The following SVIL variants were observed in gnomAD, a reference collection of about 807,000 sequenced individuals.
SVIL encodes archvillin.
A neutral mutation model predicts 240.4 loss-of-function variants in SVIL; 101 were observed. That is an observed-to-expected ratio of 0.42 (90% CI 0.36 to 0.50). SVIL has a LOEUF of 0.50. Among genes scored for constraint, SVIL ranks in the 20% least tolerant of loss-of-function variants. The probability of loss-of-function intolerance (pLI) is 0.01; values close to 1 mark genes in which losing one functional copy is unlikely to be tolerated. For synonymous variants in SVIL, 999 were observed against 1,100.0 expected (o/e 0.91, Z 1.82); for missense variants, 2,512 against 2,818.7 (o/e 0.89, Z 2.46).
intron 1 of SVIL, among the ~76,000 whole-genome samples, chr10:29,724,801 C>T (rs942835849): frequency 1.3e-5 from 2 of 151,966 alleles, no homozygotes; most frequent in African/African-American, 2.4e-5. Flanking sequence ...GTGGGTGGAT[C>T]GCTTGAAGTC....
Position 29,717,532 on chromosome 10 carries a change from A to T in SVIL, c.-400+18219T>A, listed in dbSNP as rs539460940. Among the ~76,000 whole-genome samples, 6 of 152,312 alleles carry T rather than the reference A, an allele frequency of 3.9e-5. 1 individual carries two copies. The South Asian group carries it at 1.2e-3, about 32-fold the overall frequency. ...CAAAATCCATAAGAAAATGTTGGGGAATACTTTGTTGATATTGATAAATTT... is the reference window on the plus strand; with the variant it reads ...CAAAATCCATAAGAAAATGTTGGGGTATACTTTGTTGATATTGATAAATTT... On this transcript the variant is annotated intron_variant, in intron 1 of 35. Transcript: ENST00000375400.
chr10:29,696,358 C>T (rs1225716373), intron 1 of SVIL, among the ~76,000 whole-genome samples: 21 of 152,220 alleles, frequency 1.4e-4, no homozygotes, highest in African/African-American at 5.1e-4. Flanking sequence ...GATTGCAGCC[C>T]CTGCCCGGCC....
intron 3 of SVIL, among the ~76,000 whole-genome samples, chr10:29,642,965 C>T (rs146920582): frequency 0.024 from 3,701 of 152,278 alleles, 147 homozygotes; most frequent in African/African-American, 0.081. Context: ...GGATTACAGG[C>T]GTGAGCCACT....
intron 16 of SVIL, among the ~76,000 whole-genome samples, chr10:29,517,501 C>T (rs531378634): frequency 5.9e-4 from 90 of 152,310 alleles, no homozygotes; most frequent in African/African-American, 2.2e-3. Context: ...TATTCTTATT[C>T]CTACATAAAT....
At chr10:29,711,395 G>A (rs1963269015) in intron 1 of SVIL, among the ~76,000 whole-genome samples, 1 of 149,144 alleles carries the variant, frequency 6.7e-6, no homozygotes, top group Non-Finnish European at 1.5e-5. Context: ...GCAAGACTAC[G>A]TCTCAATAAA....
intron 1 of SVIL, among the ~76,000 whole-genome samples, chr10:29,594,198 A>T (rs1956495026): frequency 6.6e-6 from 1 of 152,212 alleles, no homozygotes; most frequent in South Asian, 2.1e-4. Flanking sequence ...ACATAAAAGA[A>T]TTTGGTGTTT....
chr10:29,701,728 C>T (rs191729451), intron 1 of SVIL, among the ~76,000 whole-genome samples: 1 of 152,128 alleles, frequency 6.6e-6, no homozygotes, highest in East Asian at 1.9e-4. Flanking sequence ...ATTATTGCAA[C>T]TTGACACTTG....
chr10:29,588,764 C>T (rs1026533351), intron 1 of SVIL, among the ~76,000 whole-genome samples: 3 of 152,134 alleles, frequency 2.0e-5, no homozygotes, highest in Non-Finnish European at 4.4e-5. Context: ...GCTTAGGGTA[C>T]CTTATGTAAA....
In SVIL at chr10:29,555,172, T is replaced by C. The variant is rs942679219; in HGVS notation, c.-50-64A>G. ...GTAGTCGTGCGCTCATTTTATTCACTCATGCAACGTGTTTATTGAACTGCA... is the reference window on the plus strand; with the variant it reads ...GTAGTCGTGCGCTCATTTTATTCACCCATGCAACGTGTTTATTGAACTGCA... On this transcript the variant is annotated intron_variant, in intron 3 of 37. Transcript: ENST00000355867. 5 of 1,427,874 alleles carry C rather than the reference T, an allele frequency of 3.5e-6. No homozygotes were observed. The Admixed American group carries it at 9.9e-5, about 28-fold the overall frequency. 88.5% of individuals were successfully genotyped at this position (1,427,874 alleles called of 1,614,324 possible).
chr10:29,506,431 T>A (rs1021933316), intron 17 of SVIL, among the ~76,000 whole-genome samples: 9 of 151,922 alleles, frequency 5.9e-5, no homozygotes, highest in Non-Finnish European at 1.3e-4. Context: ...GGAGTTTCCA[T>A]CTGTGAAGAG....
At position 29,486,406 on chromosome 10, in the gene SVIL, T is replaced by G; in HGVS notation, c.4633+4A>C. 1 of 1,614,118 alleles carries G rather than the reference T, an allele frequency of 6.2e-7. No homozygotes were observed. The highest frequency in any genetic ancestry group is 8.5e-7 in the Non-Finnish European group (1 of 1,180,022). ...TCAATCTCTGAAGTACAATGAAGTC[T>G]TACATTGGTAACTGGTTTGGCCACC... On this transcript the variant is annotated splice_donor_region_variant and intron_variant, in intron 25 of 37. Coordinates refer to ENST00000355867, the MANE Select transcript of SVIL (RefSeq NM_021738.3).
At chr10:29,510,301 A>AT (rs1309434896) in intron 17 of SVIL, among the ~76,000 whole-genome samples, 2 of 152,192 alleles carry the variant, frequency 1.3e-5, no homozygotes, top group East Asian at 3.8e-4. Context: ...ACAGTTACAG[A>AT]TTTTTCAAGA....
intron 1 of SVIL, among the ~76,000 whole-genome samples, chr10:29,704,840 C>T (rs1962777743): frequency 6.6e-6 from 1 of 152,140 alleles, no homozygotes; most frequent in South Asian, 2.1e-4. Context: ...GACATGCAGA[C>T]ACCTCTCAGG....
At chr10:29,562,408 C>G (rs1458174120) in intron 3 of SVIL, among the ~76,000 whole-genome samples, 4 of 152,222 alleles carry the variant, frequency 2.6e-5, no homozygotes, top group East Asian at 3.9e-4. Context: ...AAGAAAGATG[C>G]TCATGATAAA....
intron 16 of SVIL, among the ~76,000 whole-genome samples, chr10:29,516,341 C>T (rs371094904): frequency 8.5e-5 from 13 of 152,172 alleles, no homozygotes; most frequent in African/African-American, 2.2e-4. Flanking sequence ...AGCCAGCCCT[C>T]GGCTCCAGCC....
chr10:29,560,932 G>A (rs552449415), intron 3 of SVIL, among the ~76,000 whole-genome samples: 12 of 151,096 alleles, frequency 7.9e-5, no homozygotes, highest in Admixed American at 2.6e-4. Context: ...TCCGCCTCCC[G>A]GGTTCAAGCG....
At chr10:29,601,720 A>G (rs1956819578) in intron 1 of SVIL, among the ~76,000 whole-genome samples, 1 of 152,184 alleles carries the variant, frequency 6.6e-6, no homozygotes, top group African/African-American at 2.4e-5. Context: ...CAGGCTAATT[A>G]TCTCCTCTTC....
intron 13 of SVIL, among the ~76,000 whole-genome samples, chr10:29,525,571 G>A (rs1486997149): frequency 6.6e-5 from 10 of 152,268 alleles, no homozygotes. Context: ...CAGTGATGAA[G>A]CCTGGGCGAC....
chr10:29,643,284 C>T (rs961721661), intron 3 of SVIL, among the ~76,000 whole-genome samples: 7 of 152,198 alleles, frequency 4.6e-5, no homozygotes, highest in Non-Finnish European at 1.0e-4. Context: ...AAAAGTTCTG[C>T]TTTCCACAGG....
Sources: gnomAD v4.1 joint callset for allele counts (sites outside exome capture counted in the v4.1 genomes callset) on GRCh38, gnomAD v4.1.1 for gene constraint, MANE v1.5 for transcripts, NCBI Gene and HGNC (gene_info 2026-07-23, HGNC 2026-07-21) for gene names.